GPC5: variants seen among roughly 807,000 people sequenced by gnomAD.
The protein encoded by GPC5 is glypican 5.
A neutral mutation model predicts 53.9 loss-of-function variants in GPC5; 47 were observed. That is an observed-to-expected ratio of 0.87 (90% CI 0.69 to 1.11). GPC5 has a LOEUF of 1.11. Among genes scored for constraint, GPC5 ranks in the 50% most tolerant of loss-of-function variants. GPC5 has a pLI of 0.00. For synonymous variants in GPC5, 286 were observed against 263.3 expected (o/e 1.09, Z -0.84); for missense variants, 748 against 713.1 (o/e 1.05, Z -0.56).
chr13:91,717,338 C>T (rs187602549), intron 3 of GPC5, among the ~76,000 whole-genome samples: 2 of 152,204 alleles, frequency 1.3e-5, no homozygotes, highest in East Asian at 3.9e-4. Context: ...GGCTTTGGTT[C>T]AGAGCAGTTT....
chr13:91,936,354 T>C (rs1310723469), intron 6 of GPC5, among the ~76,000 whole-genome samples: 1 of 151,934 alleles, frequency 6.6e-6, no homozygotes, highest in East Asian at 1.9e-4. Flanking sequence ...TAGGTTTTAG[T>C]AGGATTTGCT....
chr13:91,880,204 C>A lies in GPC5; in HGVS notation c.1281-27733C>A, dbSNP rs766452831. Reference sequence around the variant, plus strand: ...AAAATTAAATTAAGATTCATTTAACCAGTACATGTTTATTTTAGTGAAACA... The same window carrying A: ...AAAATTAAATTAAGATTCATTTAACAAGTACATGTTTATTTTAGTGAAACA... On this transcript the variant is annotated intron_variant, in intron 5 of 7. Coordinates refer to ENST00000377067, the MANE Select transcript of GPC5 (RefSeq NM_004466.6). Among the ~76,000 whole-genome samples, 215 of 151,886 alleles carry A rather than the reference C, an allele frequency of 1.4e-3. 2 individuals are homozygous for A. The highest frequency in any genetic ancestry group is 1.1e-3 in the Non-Finnish European group (77 of 67,918).
At chr13:92,381,879 A>ATATATATG (rs1566565237) in intron 7 of GPC5, among the ~76,000 whole-genome samples, 2 of 78,886 alleles carry the variant, frequency 2.5e-5, no homozygotes, top group African/African-American at 1.3e-4. Flanking sequence ...CATATATATG[A>ATATATATG]TTATATATAT....
At chr13:91,695,501 G>A (rs1283203419) in intron 3 of GPC5, among the ~76,000 whole-genome samples, 2 of 151,982 alleles carry the variant, frequency 1.3e-5, no homozygotes, top group Admixed American at 6.6e-5. Flanking sequence ...AGCCTCCCAC[G>A]TAGCTGGGAC....
At chr13:91,837,506 C>T (rs1368086154) in intron 5 of GPC5, among the ~76,000 whole-genome samples, 2 of 151,970 alleles carry the variant, frequency 1.3e-5, no homozygotes, top group Non-Finnish European at 2.9e-5. Flanking sequence ...ACAGGGGAAA[C>T]ATTAAATTAA....
chr13:92,558,558 T>G (rs188572510), intron 7 of GPC5, among the ~76,000 whole-genome samples: 25 of 152,160 alleles, frequency 1.6e-4, no homozygotes, highest in Non-Finnish European at 5.9e-5. Context: ...TTGTCATATT[T>G]GCACCTTTTT....
At chr13:92,406,477 A>G (rs946946340) in intron 7 of GPC5, among the ~76,000 whole-genome samples, 27 of 152,314 alleles carry the variant, frequency 1.8e-4, no homozygotes, top group Non-Finnish European at 2.8e-4. Flanking sequence ...AGATCATTTT[A>G]CAACTGGGAA....
intron 7 of GPC5, among the ~76,000 whole-genome samples, chr13:92,837,987 C>T (rs979120566): frequency 4.6e-5 from 7 of 151,642 alleles, no homozygotes; most frequent in Non-Finnish European, 1.5e-5. Flanking sequence ...CCCAACTACT[C>T]AGGAGGCTAA....
At chr13:92,752,090 T>C (rs1300017902) in intron 7 of GPC5, among the ~76,000 whole-genome samples, 1 of 151,426 alleles carries the variant, frequency 6.6e-6, no homozygotes, top group African/African-American at 2.4e-5. Flanking sequence ...GCAAGAACTC[T>C]AGAGCAGAGT....
intron 2 of GPC5, among the ~76,000 whole-genome samples, chr13:91,585,891 A>G (rs2032546137): frequency 1.3e-5 from 2 of 152,144 alleles, no homozygotes; most frequent in Non-Finnish European, 2.9e-5. Flanking sequence ...TTGAAAAAAG[A>G]AAAAACAAGA....
At chr13:92,547,256 C>G (rs1402717403) in intron 7 of GPC5, among the ~76,000 whole-genome samples, 3 of 151,826 alleles carry the variant, frequency 2.0e-5, no homozygotes, top group Admixed American at 1.3e-4. Context: ...AAAATATGGC[C>G]TAAAATAATA....
At chr13:92,790,278 G>C (rs544508491) in intron 7 of GPC5, among the ~76,000 whole-genome samples, 86 of 152,200 alleles carry the variant, frequency 5.7e-4, no homozygotes, top group African/African-American at 2.0e-3. Context: ...CAGAAGGATA[G>C]TTAGAAAATT....
chr13:92,253,612 A>C (rs1430639554), intron 7 of GPC5, among the ~76,000 whole-genome samples: 1 of 152,078 alleles, frequency 6.6e-6, no homozygotes, highest in Admixed American at 6.6e-5. Flanking sequence ...CATGTGTGCA[A>C]TAGAAGTCAT....
chr13:91,558,305 A>T (rs1284526609), intron 2 of GPC5, among the ~76,000 whole-genome samples: 1 of 152,084 alleles, frequency 6.6e-6, no homozygotes, highest in African/African-American at 2.4e-5. Flanking sequence ...TGGTCTCGGT[A>T]TTAGTTAACT....
At chr13:92,706,246 G>A (rs994317603) in intron 7 of GPC5, among the ~76,000 whole-genome samples, 2 of 151,780 alleles carry the variant, frequency 1.3e-5, no homozygotes, top group Non-Finnish European at 1.5e-5. Flanking sequence ...AATGTCATAC[G>A]TAATCAGTTA....
chr13:92,455,608 T>C (rs1471887221), intron 7 of GPC5, among the ~76,000 whole-genome samples: 2 of 152,182 alleles, frequency 1.3e-5, no homozygotes. Context: ...ATCATAGGTA[T>C]GAAAAAACAA....
At chr13:92,133,960 C>T (rs189684041) in intron 6 of GPC5, among the ~76,000 whole-genome samples, 17 of 152,070 alleles carry the variant, frequency 1.1e-4, no homozygotes, top group African/African-American at 2.7e-4. Context: ...AGTTGAGGGA[C>T]GAAAACTATT....
At chr13:91,537,015 C>T (rs1886621795) in intron 2 of GPC5, among the ~76,000 whole-genome samples, 1 of 152,014 alleles carries the variant, frequency 6.6e-6, no homozygotes, top group Non-Finnish European at 1.5e-5. Context: ...AGTGAAAATA[C>T]AATGTACCAA....
At chr13:91,537,354 TAAC>T (rs1886640596) in intron 2 of GPC5, among the ~76,000 whole-genome samples, 1 of 152,054 alleles carries the variant, frequency 6.6e-6, no homozygotes, top group Admixed American at 6.5e-5. Flanking sequence ...AGAAAGGACT[TAAC>T]TACTGACTTC....
Sources: gnomAD v4.1 joint callset for allele counts (sites outside exome capture counted in the v4.1 genomes callset) on GRCh38, gnomAD v4.1.1 for gene constraint, MANE v1.5 for transcripts, NCBI Gene and HGNC (gene_info 2026-07-23, HGNC 2026-07-21) for gene names.